The following ZNF438 variants were observed in gnomAD, a reference collection of about 807,000 sequenced individuals.
ZNF438 encodes zinc finger protein 438.
In ZNF438, 25 loss-of-function variants were observed where a neutral mutation model predicts 38.0. That is an observed-to-expected ratio of 0.66 (90% CI 0.48 to 0.92). ZNF438 has a LOEUF of 0.92. ZNF438 is among the 40% of genes least tolerant of loss of function. The pLI is 0.00. For synonymous variants in ZNF438, 372 were observed against 364.1 expected (o/e 1.02, Z -0.25); for missense variants, 1,007 against 999.6 (o/e 1.01, Z -0.10).
chr10:30,904,685 T>C (rs2042394367), intron 3 of ZNF438, among the ~76,000 whole-genome samples: 1 of 152,148 alleles, frequency 6.6e-6, no homozygotes. Flanking sequence ...CCCCCTCACT[T>C]TCTTTGTCTC....
At chr10:30,913,617 A>G (rs893824233) in intron 2 of ZNF438, among the ~76,000 whole-genome samples, 13 of 152,084 alleles carry the variant, frequency 8.5e-5, no homozygotes, top group Admixed American at 6.6e-4. Context: ...GAAGGAGGAA[A>G]GAAGTATCTT....
At position 30,945,671 on chromosome 10, in the gene ZNF438, C is replaced by T. The variant is rs1342576911; in HGVS notation, c.-191-4020G>A. Among the ~76,000 whole-genome samples the T allele has an allele frequency of 8.8e-5, 12 of 137,008 alleles. 1 individual carries two copies. The highest frequency in any genetic ancestry group is 2.4e-4 in the South Asian group (1 of 4,100). 89.9% of individuals were successfully genotyped at this position (137,008 alleles called of 152,430 possible). A position where few individuals can be genotyped will look rare whatever the true frequency, so the allele number is the denominator to read the frequency against. On this transcript the variant is annotated intron_variant, in intron 1 of 5. Coordinates refer to ENST00000413025, the Ensembl canonical transcript of ZNF438. ...TGCGGTGTTTGGTTTTTTGTTCTTG[C>T]GACAGTTTACTGAGAATGATGATTT...
chr10:30,849,706 G>A (rs2033167936), exon 5 of ZNF438: 1 of 1,614,102 alleles, frequency 6.2e-7, no homozygotes, highest in Non-Finnish European at 8.5e-7. Flanking sequence ...AAAGAGCTGT[G>A]AGGTCCTGCT....
At chr10:30,910,421 C>T (rs2994626) in intron 2 of ZNF438, 19,089 of 152,120 alleles carry the variant, frequency 0.13, 1,597 homozygotes, top group Middle Eastern at 0.24. Context: ...ATCTGTTCCT[C>T]CACTCCCAGG....
intron 3 of ZNF438, among the ~76,000 whole-genome samples, chr10:30,896,067 C>T (rs114955330): frequency 0.019 from 2,944 of 152,022 alleles, 173 homozygotes; most frequent in Admixed American, 0.13. Flanking sequence ...TTTGGGAGGC[C>T]GAGAGGGGCA....
intron 1 of ZNF438, among the ~76,000 whole-genome samples, chr10:31,023,792 T>C (rs1013348674): frequency 1.3e-5 from 2 of 152,232 alleles, no homozygotes; most frequent in Admixed American, 6.5e-5. Context: ...CCCGCTTCAG[T>C]ACCTTTGCTC....
At chr10:30,974,790 G>A (rs2051151520) in intron 1 of ZNF438, among the ~76,000 whole-genome samples, 1 of 152,180 alleles carries the variant, frequency 6.6e-6, no homozygotes, top group Non-Finnish European at 1.5e-5. Flanking sequence ...AAGTTAGAAA[G>A]GATCTTTGAG....
At chr10:30,952,127 C>T (rs999599568) in intron 1 of ZNF438, among the ~76,000 whole-genome samples, 1 of 151,348 alleles carries the variant, frequency 6.6e-6, no homozygotes, top group Non-Finnish European at 1.5e-5. Flanking sequence ...CTTTGACAAA[C>T]CTGACAAAAA....
intron 1 of ZNF438, among the ~76,000 whole-genome samples, chr10:30,955,276 G>C: frequency 6.6e-6 from 1 of 152,190 alleles, no homozygotes; most frequent in East Asian, 1.9e-4. Flanking sequence ...AATCATTTGT[G>C]ACCAGATAGT....
chr10:31,024,096 A>G (rs1398563101), intron 1 of ZNF438, among the ~76,000 whole-genome samples: 2 of 152,260 alleles, frequency 1.3e-5, no homozygotes, highest in African/African-American at 4.8e-5. Flanking sequence ...TAATTAAGTT[A>G]GGCAAAGATT....
chr10:30,950,040 C>T (rs1209108025), intron 1 of ZNF438, among the ~76,000 whole-genome samples: 2 of 151,694 alleles, frequency 1.3e-5, no homozygotes, highest in South Asian at 2.1e-4. Flanking sequence ...GAAATTATAA[C>T]AAACTATCTC....
At chr10:30,933,645 A>G (rs2045926170) in intron 2 of ZNF438, among the ~76,000 whole-genome samples, 1 of 152,094 alleles carries the variant, frequency 6.6e-6, no homozygotes. Context: ...AAAATAAAAA[A>G]CATTACGCAG....
intron 1 of ZNF438, among the ~76,000 whole-genome samples, chr10:31,020,089 C>T (rs1428576876): frequency 6.6e-6 from 1 of 152,176 alleles, no homozygotes; most frequent in Non-Finnish European, 1.5e-5. Context: ...CAACTATTCA[C>T]TGCATGTACA....
chr10:31,007,439 G>A (rs1372137731), intron 1 of ZNF438, among the ~76,000 whole-genome samples: 3 of 151,982 alleles, frequency 2.0e-5, no homozygotes, highest in African/African-American at 7.2e-5. Context: ...ACGCCACCAT[G>A]CCCTGCTAAT....
At chr10:30,869,387 A>AAAAAT (rs1554822235) in intron 4 of ZNF438, among the ~76,000 whole-genome samples, 6 of 150,564 alleles carry the variant, frequency 4.0e-5, no homozygotes, top group Non-Finnish European at 8.9e-5. Context: ...AAACAAAACA[A>AAAAAT]AAAAGAAAAG....
At chr10:30,920,907 ACAAT>A (rs1051239757) in intron 2 of ZNF438, 15 of 152,240 alleles carry the variant, frequency 9.9e-5, no homozygotes, top group African/African-American at 3.6e-4. Flanking sequence ...ACTACAGTTC[ACAAT>A]CAATGTAGTT....
intron 1 of ZNF438, among the ~76,000 whole-genome samples, chr10:31,014,142 CA>C (rs1419863063): frequency 1.3e-5 from 2 of 151,764 alleles, no homozygotes; most frequent in Non-Finnish European, 1.5e-5. Flanking sequence ...CTTTGCAGTC[CA>C]ATTTGCTATA....
At chr10:30,920,647 T>C (rs2134921515) in intron 2 of ZNF438, 1 of 152,290 alleles carries the variant, frequency 6.6e-6, no homozygotes, top group African/African-American at 2.4e-5. Flanking sequence ...AGAACCCAAA[T>C]CATGACCTGG....
chr10:31,016,318 TAGAA>T (rs1399465699), intron 1 of ZNF438, among the ~76,000 whole-genome samples: 2 of 152,152 alleles, frequency 1.3e-5, no homozygotes, highest in African/African-American at 2.4e-5. Flanking sequence ...TAAATTTTCA[TAGAA>T]AGAATACATA....
Sources: gnomAD v4.1 joint callset for allele counts (sites outside exome capture counted in the v4.1 genomes callset) on GRCh38, gnomAD v4.1.1 for gene constraint, MANE v1.5 for transcripts, NCBI Gene and HGNC (gene_info 2026-07-23, HGNC 2026-07-21) for gene names.